The following PREX1 variants were observed in gnomAD, a reference collection of about 807,000 sequenced individuals.
PREX1 encodes the protein phosphatidylinositol 3,4,5-trisphosphate-dependent Rac exchanger 1 protein.
PREX1 carries 41 observed loss-of-function variants against 198.3 expected under a neutral mutation model. The ratio of observed to expected loss-of-function variants is 0.21; its 90% CI spans 0.16 to 0.27. The LOEUF (loss-of-function observed/expected upper bound fraction) is 0.27. Ranked by LOEUF, PREX1 falls within the 10% of genes least tolerant of loss-of-function variation. The probability of loss-of-function intolerance (pLI) is 1.00; values close to 1 mark genes in which losing one functional copy is unlikely to be tolerated. For missense variants in PREX1, 1,620 were observed against 2,200.7 expected, an observed-to-expected ratio of 0.74 and a Z score of 5.28; for synonymous variants, 843 against 887.2, an observed-to-expected ratio of 0.95 and a Z score of 0.89.
chr20:48,807,980 C>T (rs767882913), intron 1 of PREX1, among the ~76,000 whole-genome samples: 3 of 152,084 alleles, frequency 2.0e-5, no homozygotes, highest in African/African-American at 4.8e-5. Flanking sequence ...CCTTGCAAGC[C>T]GACTCCTGAG....
the PREX1 span, among the ~76,000 whole-genome samples, chr20:48,884,116 A>G: frequency 4.7e-5 from 7 of 148,730 alleles, no homozygotes; most frequent in Non-Finnish European, 8.9e-5. Flanking sequence ...TCCAGCCTGG[A>G]CGACAGAGCA....
At chr20:48,660,550 G>C (rs1025327650) in intron 15 of PREX1, among the ~76,000 whole-genome samples, 1 of 152,150 alleles carries the variant, frequency 6.6e-6, no homozygotes, top group East Asian at 1.9e-4. Flanking sequence ...AAAGACCTAC[G>C]TATGAACAGT....
At chr20:48,763,851 G>C (rs920815741) in intron 1 of PREX1, among the ~76,000 whole-genome samples, 2 of 152,218 alleles carry the variant, frequency 1.3e-5, no homozygotes, top group Admixed American at 6.5e-5. Context: ...CTTGGCTGCA[G>C]CTTGGGGTCT....
chr20:48,641,933 G>A (rs917110469), intron 29 of PREX1, among the ~76,000 whole-genome samples: 1 of 149,582 alleles, frequency 6.7e-6, no homozygotes, highest in Admixed American at 6.7e-5. Context: ...GGAGGGAAGG[G>A]GAGGGGAGGG....
At position 48,673,591 on chromosome 20, in the gene PREX1, C is replaced by T. The variant is rs571435155; in HGVS notation, c.1665+2602G>A. 1.5e-3 allele frequency among the ~76,000 whole-genome samples: 221 copies of T among 152,324 alleles called. 3 individuals are homozygous for T. Among genetic ancestry groups the T allele is most frequent in the South Asian group, 8.1e-3 (39 of 4,826 alleles). ...CTTGAAACCCAGGCTCCTCTGGGCT[C>T]TGACTGAAGCACCTAAACCACAAAA... On this transcript the variant is annotated intron_variant, in intron 14 of 39. Coordinates refer to ENST00000371941, the MANE Select transcript of PREX1 (RefSeq NM_020820.4).
chr20:48,793,571 G>C (rs977902645), intron 1 of PREX1, among the ~76,000 whole-genome samples: 1 of 152,230 alleles, frequency 6.6e-6, no homozygotes, highest in Non-Finnish European at 1.5e-5. Flanking sequence ...TGAAAGTAGA[G>C]AGACAAAGTT....
intron 8 of PREX1, chr20:48,692,396 A>G: frequency 3.2e-6 from 1 of 317,418 alleles, no homozygotes; most frequent in Non-Finnish European, 5.9e-6. Context: ...GTCTTTAAAA[A>G]GCAAGAAAAT....
intron 15 of PREX1, among the ~76,000 whole-genome samples, chr20:48,661,501 T>TAATATAATATAATATATA (rs2089595053): frequency 7.8e-6 from 1 of 128,996 alleles, no homozygotes; most frequent in South Asian, 2.5e-4. Context: ...ATATATAGTA[T>TAATATAATATAATATATA]GTATATAACA....
At chr20:48,805,091 A>G (rs145991879) in intron 1 of PREX1, among the ~76,000 whole-genome samples, 1 of 152,232 alleles carries the variant, frequency 6.6e-6, no homozygotes, top group East Asian at 1.9e-4. Flanking sequence ...AGAGGGAAGA[A>G]ATGGTCCCCA....
At chr20:48,682,736 G>A (rs1797968555) in intron 10 of PREX1, among the ~76,000 whole-genome samples, 1 of 152,122 alleles carries the variant, frequency 6.6e-6, no homozygotes, top group African/African-American at 2.4e-5. Context: ...GTGCTTCTCA[G>A]GCTCAGCCCA....
intron 1 of PREX1, among the ~76,000 whole-genome samples, chr20:48,779,660 C>T (rs764238645): frequency 5.7e-4 from 86 of 152,170 alleles, no homozygotes; most frequent in Admixed American, 9.8e-4. Context: ...GAGTACTACT[C>T]GGTAATGAAA....
At chr20:48,806,330 C>T (rs939361048) in intron 1 of PREX1, among the ~76,000 whole-genome samples, 1 of 152,184 alleles carries the variant, frequency 6.6e-6, no homozygotes, top group African/African-American at 2.4e-5. Context: ...CTTGCTCAGA[C>T]ACCTGCTATC....
At chr20:48,692,510 C>T (rs1048025456) in intron 8 of PREX1, 162 bp downstream of exon 8, 16 of 569,076 alleles carry the variant, frequency 2.8e-5, no homozygotes, top group Non-Finnish European at 4.0e-5. Context: ...TGAATGCTAA[C>T]CACCCAGATG....
chr20:48,688,590 G>A, intron 10 of PREX1, 67 bp downstream of exon 10: 2 of 1,597,968 alleles, frequency 1.3e-6, no homozygotes, highest in Non-Finnish European at 1.7e-6. Context: ...TGGGTGGATG[G>A]GGATGATCTG....
chr20:48,695,472 T>C (rs1359632110), intron 7 of PREX1, among the ~76,000 whole-genome samples: 1 of 152,264 alleles, frequency 6.6e-6, no homozygotes, highest in Non-Finnish European at 1.5e-5. Flanking sequence ...GGAATGTGAA[T>C]GATTAGCTTT....
chr20:48,777,258 G>A (rs746657053), intron 1 of PREX1, among the ~76,000 whole-genome samples: 1 of 152,054 alleles, frequency 6.6e-6, no homozygotes, highest in African/African-American at 2.4e-5. Flanking sequence ...AACATGAGCT[G>A]GTCATGCCCC....
At chr20:48,680,403 G>T (rs1230628299) in intron 11 of PREX1, among the ~76,000 whole-genome samples, 1 of 152,148 alleles carries the variant, frequency 6.6e-6, no homozygotes, top group African/African-American at 2.4e-5. Flanking sequence ...GTCCAAGCAG[G>T]TCTTTCCTCT....
intron 3 of PREX1, among the ~76,000 whole-genome samples, chr20:48,740,653 G>A (rs1178287211): frequency 6.6e-6 from 1 of 152,208 alleles, no homozygotes; most frequent in Non-Finnish European, 1.5e-5. Flanking sequence ...AAACTCCTGA[G>A]ACAGACTGAC....
chr20:48,700,936 C>A (rs1235145274), intron 6 of PREX1, 50 bp from the exon 7 acceptor site: 1 of 1,610,116 alleles, frequency 6.2e-7, no homozygotes, highest in South Asian at 1.1e-5. Context: ...GGAACATCCC[C>A]TTCCTTTCCC....
Sources: gnomAD v4.1 joint callset for allele counts (sites outside exome capture counted in the v4.1 genomes callset) on GRCh38, gnomAD v4.1.1 for gene constraint, MANE v1.5 for transcripts, NCBI Gene and HGNC (gene_info 2026-07-23, HGNC 2026-07-21) for gene names.